Variants in CDRT4 observed in about 807,000 individuals in gnomAD.
CDRT4 encodes CMT1A duplicated region transcript 4 protein.
For synonymous variants in CDRT4, 64 were observed against 69.6 expected (o/e 0.92, Z 0.40); for missense variants, 167 against 193.1 (o/e 0.87, Z 0.80).
At position 15,450,240 on chromosome 17, in the gene CDRT4, C is replaced by T. The variant is rs574331289; in HGVS notation, c.-48+2764G>A. 3.9e-5 allele frequency among the ~76,000 whole-genome samples: 6 copies of T among 152,280 alleles called. No individual in the cohort carries two copies. Among genetic ancestry groups the T allele is most frequent in the Non-Finnish European group, 5.9e-5 (4 of 68,026 alleles). ...CATTGTAGGTTGTCTTTGTCTTGCCCGGCTTTGAGAAAAATCCAAGAATCC... is the reference window on the plus strand; with the variant it reads ...CATTGTAGGTTGTCTTTGTCTTGCCTGGCTTTGAGAAAAATCCAAGAATCC... On this transcript the variant is annotated intron_variant, in intron 2 of 3. Coordinates refer to ENST00000619038, the MANE Select transcript of CDRT4 (RefSeq NM_001204477.2). The surrounding 1 kb of genome is among the most constrained non-coding windows in gnomAD (Gnocchi z 4.2).
At chr17:15,458,088 T>A (rs1176071382) in intron 1 of CDRT4, among the ~76,000 whole-genome samples, 1 of 152,224 alleles carries the variant, frequency 6.6e-6, no homozygotes, top group Non-Finnish European at 1.5e-5. Flanking sequence ...ACAGTCCTTC[T>A]AACCAAAAGA....
At chr17:15,462,905 A>C (rs910683830) in intron 1 of CDRT4, among the ~76,000 whole-genome samples, 1 of 152,164 alleles carries the variant, frequency 6.6e-6, no homozygotes, top group African/African-American at 2.4e-5. Flanking sequence ...CTGAGTGTTC[A>C]CTTTAGACAC....
At chr17:15,447,039 T>C (rs1979058227) in intron 2 of CDRT4, among the ~76,000 whole-genome samples, 1 of 152,130 alleles carries the variant, frequency 6.6e-6, no homozygotes, top group Non-Finnish European at 1.5e-5. Flanking sequence ...ATTTTCCACA[T>C]TTGCCTCTTA....
chr17:15,443,523 T>C (rs1380308883), intron 2 of CDRT4: 1 of 184,878 alleles, frequency 5.4e-6, no homozygotes, highest in Non-Finnish European at 1.1e-5. Flanking sequence ...GCCCAAGCGA[T>C]CCTCCCACCT....
intron 2 of CDRT4, among the ~76,000 whole-genome samples, chr17:15,442,186 G>A (rs971630962): frequency 6.6e-5 from 10 of 152,076 alleles, no homozygotes; most frequent in African/African-American, 1.9e-4. Context: ...CACGACGGGC[G>A]GATCACCTGA....
intron 2 of CDRT4, chr17:15,443,980 G>C: frequency 1.4e-6 from 1 of 723,220 alleles, no homozygotes; most frequent in Non-Finnish European, 2.5e-6. Flanking sequence ...AATTTCTTGG[G>C]TGAAAAATAC....
At chr17:15,444,408 G>A (rs1482459071) in intron 2 of CDRT4, among the ~76,000 whole-genome samples, 2 of 152,116 alleles carry the variant, frequency 1.3e-5, no homozygotes, top group East Asian at 1.9e-4. Flanking sequence ...TCCCAACATC[G>A]TGATTTGATT....
Position 15,465,058 on chromosome 17 carries a change from AC to A in CDRT4, c.-130+2401del, listed in dbSNP as rs1306551032. Among the ~76,000 whole-genome samples the A allele has an allele frequency of 8.1e-4, 121 of 149,880 alleles. 5 individuals carry two copies. In the East Asian group the frequency reaches 0.012, roughly 15 times the overall value. On this transcript the variant is annotated intron_variant, in intron 1 of 3. Transcript: ENST00000619038. ...ACAGACACACATAACACAGACACACACCAACACAGACACACACCAATACAGA... is the reference window on the plus strand; with the variant it reads ...ACAGACACACATAACACAGACACACACAACACAGACACACACCAATACAGA...
At chr17:15,448,401 G>A (rs977071064) in intron 2 of CDRT4, among the ~76,000 whole-genome samples, 2 of 152,200 alleles carry the variant, frequency 1.3e-5, no homozygotes, top group African/African-American at 4.8e-5. Context: ...AATAGTGTGT[G>A]TCACAATTAC....
chr17:15,442,906 AAG>A (rs1293659550), intron 2 of CDRT4, among the ~76,000 whole-genome samples: 1 of 152,214 alleles, frequency 6.6e-6, no homozygotes, highest in Non-Finnish European at 1.5e-5. Flanking sequence ...TTCCAGCACA[AAG>A]GTTCCATTTT....
At chr17:15,465,500 C>A (rs1374676701) in intron 1 of CDRT4, among the ~76,000 whole-genome samples, 7 of 151,496 alleles carry the variant, frequency 4.6e-5, no homozygotes, top group Non-Finnish European at 8.8e-5. Flanking sequence ...CATACAAACA[C>A]AGACACACAC....
intron 2 of CDRT4, among the ~76,000 whole-genome samples, chr17:15,443,002 C>T (rs781454527): frequency 6.6e-6 from 1 of 152,144 alleles, no homozygotes; most frequent in Non-Finnish European, 1.5e-5. Flanking sequence ...AGCGTTGAAG[C>T]GGCTTTCTTG....
chr17:15,449,966 G>A (rs1191611213), intron 2 of CDRT4, among the ~76,000 whole-genome samples: 1 of 152,086 alleles, frequency 6.6e-6, no homozygotes, highest in Non-Finnish European at 1.5e-5. Context: ...AACCATTGGT[G>A]GACACTTAGG....
In CDRT4 at chr17:15,440,007, G is replaced by A. The variant is rs190653222; in HGVS notation, c.31+201C>T. On this transcript the variant is annotated intron_variant, in intron 3 of 3. Coordinates refer to ENST00000619038, the MANE Select transcript of CDRT4 (RefSeq NM_001204477.2). ...TAATGTAAATGATGAGTTAATGGGT[G>A]CAGCACACCAACATGTCACATGTAT... Among the ~76,000 whole-genome samples, 169 of 152,000 alleles carry A rather than the reference G, an allele frequency of 1.1e-3. 2 individuals are homozygous for A. In the East Asian group the frequency reaches 0.028, roughly 25 times the overall value.
chr17:15,453,414 T>C (rs1230701709), intron 1 of CDRT4, among the ~76,000 whole-genome samples: 2 of 152,170 alleles, frequency 1.3e-5, no homozygotes, highest in Admixed American at 1.3e-4. Flanking sequence ...AAAGAAGTTT[T>C]TGTTGAGTCA....
intron 2 of CDRT4, among the ~76,000 whole-genome samples, chr17:15,445,980 C>CT (rs1979005765): frequency 6.6e-6 from 1 of 152,072 alleles, no homozygotes; most frequent in Admixed American, 6.5e-5. Context: ...CTGCTTTTTT[C>CT]TTTTTTTCCT....
At chr17:15,439,359 G>A (rs1597455040) in intron 3 of CDRT4, among the ~76,000 whole-genome samples, 2 of 152,336 alleles carry the variant, frequency 1.3e-5, no homozygotes, top group East Asian at 3.9e-4. Context: ...CTGTCCAGGA[G>A]CTGGAGCTTG....
intron 1 of CDRT4, among the ~76,000 whole-genome samples, chr17:15,466,947 A>C: frequency 6.6e-6 from 1 of 152,090 alleles, no homozygotes; most frequent in Non-Finnish European, 1.5e-5. Flanking sequence ...GTGCTTAATA[A>C]TTTTTTAAAG....
intron 2 of CDRT4, among the ~76,000 whole-genome samples, chr17:15,447,083 C>T (rs901748271): frequency 1.3e-5 from 2 of 152,108 alleles, no homozygotes; most frequent in Admixed American, 6.5e-5. Flanking sequence ...GTCAAGGGTC[C>T]GCAATCCAGG....
Sources: allele counts gnomAD v4.1 joint callset (sites outside exome capture counted in the v4.1 genomes callset), GRCh38; gene constraint gnomAD v4.1.1; non-coding constraint Gnocchi (gnomAD v3.1); transcripts MANE v1.5; gene names NCBI Gene and HGNC (gene_info 2026-07-23, HGNC 2026-07-21).